The following CAMK2D variants were observed in gnomAD, a reference collection of about 807,000 sequenced individuals.
CAMK2D encodes the protein calcium/calmodulin-dependent protein kinase type II subunit delta.
Under a neutral mutation model 84.0 loss-of-function variants are expected in CAMK2D, and 37 were observed. That is an observed-to-expected ratio of 0.44 (90% CI 0.34 to 0.58). The LOEUF (loss-of-function observed/expected upper bound fraction) is 0.58. Ranked by LOEUF, CAMK2D falls within the 20% of genes least tolerant of loss-of-function variation. CAMK2D has a pLI of 0.02. For synonymous variants in CAMK2D, 202 were observed against 212.5 expected, an observed-to-expected ratio of 0.95 and a Z score of 0.43; for missense variants, 448 against 652.5, an observed-to-expected ratio of 0.69 and a Z score of 3.41.
chr4:113,732,645 A>G (rs770276825), intron 2 of CAMK2D, among the ~76,000 whole-genome samples: 5 of 152,214 alleles, frequency 3.3e-5, no homozygotes, highest in Non-Finnish European at 5.9e-5. Flanking sequence ...GAGTAATTCA[A>G]TGATAAGAGT....
At chr4:113,746,728 G>A (rs1218958442) in intron 2 of CAMK2D, among the ~76,000 whole-genome samples, 2 of 151,872 alleles carry the variant, frequency 1.3e-5, no homozygotes, top group African/African-American at 2.4e-5. Flanking sequence ...AGTCCTCGTT[G>A]ACAGGTTTTA....
intron 3 of CAMK2D, among the ~76,000 whole-genome samples, chr4:113,649,137 C>T (rs2099162950): frequency 2.0e-5 from 3 of 152,084 alleles, no homozygotes; most frequent in African/African-American, 7.2e-5. Flanking sequence ...CCTTGCCATC[C>T]CTGATCCCAT....
chr4:113,608,338 T>C (rs1473121902), intron 4 of CAMK2D, among the ~76,000 whole-genome samples: 1 of 152,216 alleles, frequency 6.6e-6, no homozygotes, highest in Non-Finnish European at 1.5e-5. Context: ...TGGCATCAAA[T>C]TAAAATGCTA....
intron 2 of CAMK2D, among the ~76,000 whole-genome samples, chr4:113,678,824 C>G (rs2099328907): frequency 6.6e-6 from 1 of 152,006 alleles, no homozygotes; most frequent in Non-Finnish European, 1.5e-5. Flanking sequence ...GTATAAAATA[C>G]AAAGACAGAA....
chr4:113,759,240 G>T, intron 2 of CAMK2D, 80 bp downstream of exon 2: 1 of 790,810 alleles, frequency 1.3e-6, no homozygotes, highest in Non-Finnish European at 2.1e-6. Flanking sequence ...ATAACTACAT[G>T]ATATATTTAC....
At position 113,588,873 on chromosome 4, in the gene CAMK2D, A is replaced by C. The variant is rs556077526; in HGVS notation, c.275+20279T>G. Among the ~76,000 whole-genome samples the C allele has an allele frequency of 2.7e-5, 3 of 112,664 alleles. No homozygotes were observed. The South Asian group carries it at 9.4e-4, about 35-fold the overall frequency. The allele number at this position is 112,664 out of a possible 152,430, so 73.9% of individuals were successfully genotyped here. On this transcript the variant is annotated intron_variant, in intron 4 of 20. Transcript: ENST00000511664. ...ATAAATTAATTCATGGTAGTTTAAT[A>C]GTGGTGTCAAAAAAGAAAAAAAAAA...
chr4:113,666,198 A>G (rs1005995447), intron 2 of CAMK2D, among the ~76,000 whole-genome samples: 1 of 152,222 alleles, frequency 6.6e-6, no homozygotes, highest in African/African-American at 2.4e-5. Context: ...AAGCAACAAT[A>G]TATCTACTCA....
intron 2 of CAMK2D, among the ~76,000 whole-genome samples, chr4:113,662,221 T>C (rs1242354305): frequency 6.6e-6 from 1 of 152,210 alleles, no homozygotes. Flanking sequence ...TGTTCAGTCA[T>C]ATGTTCTGTT....
chr4:113,532,308 C>CTGTT (rs2098463603), intron 7 of CAMK2D, among the ~76,000 whole-genome samples: 1 of 150,544 alleles, frequency 6.6e-6, no homozygotes, highest in Non-Finnish European at 1.5e-5. Flanking sequence ...TCTTCTTTTT[C>CTGTT]TGTTTGTTTT....
chr4:113,552,199 TA>T (rs981468106), intron 4 of CAMK2D, 103 bp from the exon 5 acceptor site: 29 of 613,824 alleles, frequency 4.7e-5, no homozygotes, highest in Middle Eastern at 3.7e-4. Flanking sequence ...TTAGATGATT[TA>T]AAAAAAATCA....
chr4:113,612,224 A>G (rs2099003296), intron 3 of CAMK2D, among the ~76,000 whole-genome samples: 1 of 152,192 alleles, frequency 6.6e-6, no homozygotes, highest in South Asian at 2.1e-4. Flanking sequence ...GTATGTCTAA[A>G]CGGTCTGGAA....
chr4:113,624,903 T>C (rs2099061236), intron 3 of CAMK2D, among the ~76,000 whole-genome samples: 1 of 152,236 alleles, frequency 6.6e-6, no homozygotes, highest in South Asian at 2.1e-4. Flanking sequence ...CTTTCAACTT[T>C]ATACAAAATT....
At chr4:113,753,136 G>A (rs977989100) in intron 2 of CAMK2D, among the ~76,000 whole-genome samples, 1 of 152,166 alleles carries the variant, frequency 6.6e-6, no homozygotes, top group South Asian at 2.1e-4. Context: ...CCTTATACAA[G>A]AGCCTCAGTA....
chr4:113,480,156 T>A (rs2097683599), intron 16 of CAMK2D, among the ~76,000 whole-genome samples: 1 of 151,998 alleles, frequency 6.6e-6, no homozygotes, highest in Non-Finnish European at 1.5e-5. Flanking sequence ...AGAGACAGGG[T>A]TTCACTGTGT....
intron 7 of CAMK2D, among the ~76,000 whole-genome samples, chr4:113,532,613 C>T (rs985583739): frequency 6.6e-6 from 1 of 152,186 alleles, no homozygotes; most frequent in African/African-American, 2.4e-5. Context: ...CTCTCACCAT[C>T]CTTCTCCAAC....
At chr4:113,490,282 C>A (rs555438369) in intron 16 of CAMK2D, among the ~76,000 whole-genome samples, 1 of 149,660 alleles carries the variant, frequency 6.7e-6, no homozygotes, top group African/African-American at 2.5e-5. Context: ...TTAGGTCTAA[C>A]GTTTAAGTCT....
At chr4:113,516,715 C>T (rs973685789) in intron 9 of CAMK2D, among the ~76,000 whole-genome samples, 9 of 152,146 alleles carry the variant, frequency 5.9e-5, no homozygotes, top group Non-Finnish European at 4.4e-5. Flanking sequence ...CTCTCACTTT[C>T]ACATTGAGCT....
At chr4:113,677,514 C>T (rs1164794854) in intron 2 of CAMK2D, 1 of 941,254 alleles carries the variant, frequency 1.1e-6, no homozygotes, top group Admixed American at 6.2e-5. Flanking sequence ...TTACTTCCTT[C>T]TTGAAGGAAC....
chr4:113,631,402 T>C (rs571276443), intron 3 of CAMK2D, among the ~76,000 whole-genome samples: 1 of 152,324 alleles, frequency 6.6e-6, no homozygotes, highest in East Asian at 1.9e-4. Flanking sequence ...GGAATTATTA[T>C]GTTGAAGGTG....
Sources: allele counts gnomAD v4.1 joint callset (sites outside exome capture counted in the v4.1 genomes callset), GRCh38; gene constraint gnomAD v4.1.1; transcripts MANE v1.5; gene names NCBI Gene and HGNC (gene_info 2026-07-23, HGNC 2026-07-21).